The following UNC80 variants were observed in gnomAD, a reference collection of about 807,000 sequenced individuals.
UNC80 encodes the protein protein unc-80 homolog.
Under a neutral mutation model 384.6 loss-of-function variants are expected in UNC80, and 164 were observed. The ratio of observed to expected loss-of-function variants is 0.43; its 90% confidence interval spans 0.38 to 0.49. The LOEUF (loss-of-function observed/expected upper bound fraction) is 0.49. Ranked by LOEUF, UNC80 falls within the 20% of genes least tolerant of loss-of-function variation. The probability of loss-of-function intolerance (pLI) is 0.00; values close to 1 mark genes in which losing one functional copy is unlikely to be tolerated. For synonymous variants in UNC80, 1,486 were observed against 1,527.8 expected (o/e 0.97, Z 0.64); for missense variants, 3,330 against 4,143.0 (o/e 0.80, Z 5.39).
chr2:209,929,275 A>G (rs2090666257), intron 36 of UNC80, among the ~76,000 whole-genome samples: 1 of 152,146 alleles, frequency 6.6e-6, no homozygotes, highest in Non-Finnish European at 1.5e-5. Flanking sequence ...GTACTTCTAG[A>G]CAATCTTAGC....
chr2:209,782,602 T>A (rs1386682392), intron 4 of UNC80, among the ~76,000 whole-genome samples: 1 of 152,140 alleles, frequency 6.6e-6, no homozygotes, highest in South Asian at 2.1e-4. Context: ...TAACATAGTA[T>A]CTGTGTTTAA....
chr2:209,775,460 C>T (rs1193385680), intron 2 of UNC80, among the ~76,000 whole-genome samples: 1 of 152,148 alleles, frequency 6.6e-6, no homozygotes, highest in African/African-American at 2.4e-5. Context: ...GACATAAATT[C>T]TATTTCTCAA....
intron 22 of UNC80, among the ~76,000 whole-genome samples, chr2:209,864,919 G>C (rs2083607878): frequency 6.6e-6 from 1 of 152,228 alleles, no homozygotes; most frequent in Admixed American, 6.5e-5. Flanking sequence ...TTCCAGCTGA[G>C]AGGCTGTTAA....
intron 64 of UNC80, among the ~76,000 whole-genome samples, chr2:209,994,898 T>A (rs2093457580): frequency 6.6e-6 from 1 of 152,198 alleles, no homozygotes; most frequent in Non-Finnish European, 1.5e-5. Context: ...TTCCTCATTG[T>A]TTTGCTATTT....
intron 28 of UNC80, among the ~76,000 whole-genome samples, chr2:209,901,845 C>T (rs1359186536): frequency 1.3e-5 from 2 of 151,868 alleles, no homozygotes; most frequent in Non-Finnish European, 2.9e-5. Context: ...AGGAGAATGG[C>T]ATGAACCCGG....
intron 48 of UNC80, among the ~76,000 whole-genome samples, chr2:209,956,036 A>G (rs1559391640): frequency 6.6e-6 from 1 of 151,604 alleles, no homozygotes; most frequent in Non-Finnish European, 1.5e-5. Context: ...AAGCCACCAT[A>G]CTCAGCCTAT....
intron 20 of UNC80, among the ~76,000 whole-genome samples, chr2:209,841,449 G>C (rs935381477): frequency 6.6e-6 from 1 of 152,054 alleles, no homozygotes; most frequent in Non-Finnish European, 1.5e-5. Context: ...TCCGCCTTCT[G>C]GGTTCAAATG....
rs181588729 is a variant in UNC80 at position 209,944,867 on chromosome 2, A to T, written c.7051-184A>T. On this transcript the variant is annotated intron_variant, in intron 45 of 64. Coordinates refer to ENST00000673920, the MANE Select transcript of UNC80 (RefSeq NM_001371986.1). ...TATATTAGAATTTAATAGATCCCTT[A>T]AAAGTCAGGTGTACCACTCCAAAAT... is the stretch of plus-strand genomic sequence containing the variant. Among the ~76,000 whole-genome samples, 13 of 152,300 alleles carry T rather than the reference A, an allele frequency of 8.5e-5. No homozygotes were observed. In the East Asian group the frequency reaches 1.9e-3, roughly 23 times the overall value.
At chr2:209,855,179 G>A (rs932207946) in intron 22 of UNC80, among the ~76,000 whole-genome samples, 19 of 152,148 alleles carry the variant, frequency 1.2e-4, no homozygotes, top group African/African-American at 4.1e-4. Context: ...ATTATCCTCA[G>A]CAAACTAATG....
In UNC80 at chr2:209,772,094, G is replaced by A; in HGVS notation, c.22G>A (p.Glu8Lys). Residue 8 changes from glutamate to lysine, a missense_variant, in exon 1 of 65, where the codon GAG becomes AAG. Glu to Lys is a moderately conservative substitution (Grantham distance 56). Coordinates refer to ENST00000673920, the MANE Select transcript of UNC80 (RefSeq NM_001371986.1). MVKRKSS[E>K]GQEQDGGRGI... ...CATTATGGTGAAGAGGAAGAGCTCC[G>A]AGGGCCAGGAGCAGGACGGCGGCCG... 1.9e-6 allele frequency: 3 copies of A among 1,549,608 alleles called. No individual in the cohort carries two copies. Among genetic ancestry groups the A allele is most frequent in the Non-Finnish European group, 2.6e-6 (3 of 1,146,398 alleles).
chr2:209,856,764 AT>A (rs2082953045), intron 22 of UNC80, among the ~76,000 whole-genome samples: 1 of 105,018 alleles, frequency 9.5e-6, no homozygotes, highest in Non-Finnish European at 1.9e-5. Flanking sequence ...TTGTTTACTT[AT>A]TTATTTATTT....
At chr2:209,906,004 TATTC>T (rs2088152945) in intron 29 of UNC80, among the ~76,000 whole-genome samples, 1 of 152,198 alleles carries the variant, frequency 6.6e-6, no homozygotes, top group Non-Finnish European at 1.5e-5. Context: ...ATATAACACC[TATTC>T]ATTTCAACGG....
intron 48 of UNC80, 34 bp downstream of exon 48, chr2:209,954,304 C>A: frequency 2.2e-6 from 3 of 1,391,914 alleles, no homozygotes; most frequent in Non-Finnish European, 2.8e-6. Context: ...TACAGCCTTA[C>A]ATCATATGTT....
Position 209,911,070 on chromosome 2 carries a change from T to G in UNC80, c.4783-1490T>G, listed in dbSNP as rs111421743. On this transcript the variant is annotated intron_variant, in intron 29 of 64. Transcript: ENST00000673920. ...TTAACTCACAGTTCCTCAAGGCTAG[T>G]AAGGCCTTGGGAAACTTACAATCAT... 3.5e-3 allele frequency among the ~76,000 whole-genome samples: 533 copies of G among 152,200 alleles called. 4 individuals are homozygous for G. Among genetic ancestry groups the G allele is most frequent in the African/African-American group, 0.012 (513 of 41,530 alleles).
intron 21 of UNC80, 30 bp from the exon 22 acceptor site, chr2:209,849,421 C>G: frequency 6.5e-7 from 1 of 1,548,954 alleles, no homozygotes; most frequent in Non-Finnish European, 8.7e-7. Context: ...CTCTCTCTTT[C>G]ATTCCTCCAC....
intron 48 of UNC80, among the ~76,000 whole-genome samples, chr2:209,957,366 A>T (rs2092453524): frequency 6.6e-6 from 1 of 152,148 alleles, no homozygotes; most frequent in Non-Finnish European, 1.5e-5. Flanking sequence ...TATTTCATAA[A>T]TGTCTTGTTG....
intron 51 of UNC80, among the ~76,000 whole-genome samples, chr2:209,966,299 G>T (rs1012359382): frequency 6.6e-6 from 1 of 152,066 alleles, no homozygotes; most frequent in Non-Finnish European, 1.5e-5. Context: ...GTATTTTTTA[G>T]AATATAAGCT....
chr2:209,847,196 C>T (rs1255951768), intron 21 of UNC80, among the ~76,000 whole-genome samples: 1 of 151,882 alleles, frequency 6.6e-6, no homozygotes, highest in Non-Finnish European at 1.5e-5. Context: ...TGTCTCTGTC[C>T]ACCACTCTCT....
At chr2:209,994,382 C>A in intron 64 of UNC80, 118 bp downstream of exon 64, 1 of 830,102 alleles carries the variant, frequency 1.2e-6, no homozygotes, top group Non-Finnish European at 1.8e-6. Flanking sequence ...CTTTGTTATC[C>A]AAACAGATAC....
Sources: allele counts gnomAD v4.1 joint callset (sites outside exome capture counted in the v4.1 genomes callset), GRCh38; gene constraint gnomAD v4.1.1; transcripts MANE v1.5; gene names NCBI Gene and HGNC (gene_info 2026-07-23, HGNC 2026-07-21).